The following ZBTB32 variants were observed in gnomAD, a reference collection of about 807,000 sequenced individuals.
ZBTB32 encodes zinc finger and BTB domain-containing protein 32.
A neutral mutation model predicts 45.3 loss-of-function variants in ZBTB32; 28 were observed. The ratio of observed to expected loss-of-function variants is 0.62; its 90% CI spans 0.46 to 0.85. The LOEUF is 0.85. ZBTB32 is among the 40% of genes least tolerant of loss of function. The pLI is 0.00. For missense variants in ZBTB32, 587 were observed against 624.4 expected (o/e 0.94, Z 0.64); for synonymous variants, 283 against 255.7 (o/e 1.11, Z -1.02).
intron 1 of ZBTB32, among the ~76,000 whole-genome samples, chr19:35,707,584 G>A (rs1005067504): frequency 6.6e-5 from 10 of 151,808 alleles, no homozygotes; most frequent in South Asian, 4.2e-4. Context: ...TGGCCAGGAC[G>A]GTCTCTATCT....
rs1257327161 is a variant in ZBTB32 at position 35,715,507 on chromosome 19, G to A, written c.881G>A (p.Arg294Lys). The part of the protein sequence containing the change: ...GAWQEVWREQ[R>K]IPLSLNAPKG... The stretch of plus-strand genomic sequence containing the variant: ...TGGCAGGAGGTCTGGCGGGAACAGA[G>A]GTGAGTGGCGGGGTCTAGTGCTCTG... The change falls in exon 3 of 7, where the codon AGG (arginine) becomes AAG (lysine). Residue 294 changes from arginine (R) to lysine (K), a missense_variant and splice_region_variant. Physicochemically the swap from Arg to Lys is conservative, Grantham distance 26. Coordinates refer to ENST00000392197, the MANE Select transcript of ZBTB32 (RefSeq NM_014383.3). The A allele has an allele frequency of 6.5e-7, 1 of 1,534,228 alleles. No individual in the cohort carries two copies. Among genetic ancestry groups the A allele is most frequent in the African/African-American group, 1.4e-5 (1 of 72,370 alleles).
Position 35,714,916 on chromosome 19 carries a change from C to T in ZBTB32, c.290C>T (p.Ala97Val). Residue 97 changes from alanine to valine, a missense_variant, in exon 3 of 7, where the codon GCC becomes GTC. By Grantham distance (64) the Ala-to-Val change is moderately conservative (BLOSUM62 0). Coordinates refer to ENST00000392197, the MANE Select transcript of ZBTB32 (RefSeq NM_014383.3). ...PGELRPLQEA[A>V]RALGVQSLEE... ...GAGCTAAGGCCCCTTCAGGAGGCGGCCAGGGCCTTGGGAGTGCAGTCCCTG... is the reference window on the plus strand; with the variant it reads ...GAGCTAAGGCCCCTTCAGGAGGCGGTCAGGGCCTTGGGAGTGCAGTCCCTG... 9 of 1,582,814 alleles carry T rather than the reference C, an allele frequency of 5.7e-6. No homozygotes were observed. Among genetic ancestry groups the T allele is most frequent in the Non-Finnish European group, 7.7e-6 (9 of 1,164,072 alleles).
rs950661122 is a variant in ZBTB32, at chr19:35,712,899, T to A, written c.-221-18T>A. 6.6e-6 allele frequency: 1 copy of A among 152,320 alleles called. No homozygotes were observed. The highest frequency in any genetic ancestry group is 2.4e-5 in the African/African-American group (1 of 41,550). The allele number at this position is 152,320 out of a possible 1,614,324, so 9.4% of individuals were successfully genotyped here. A position where few individuals can be genotyped will look rare whatever the true frequency, so the allele number is the denominator to read the frequency against. ...TATTCTTGGGATCCAAATGTTTCAA[T>A]CCTTTTTACTTCTGCAGCTGTGTGC... On this transcript the variant is annotated intron_variant, in intron 1 of 6. Transcript: ENST00000392197.
intron 1 of ZBTB32, among the ~76,000 whole-genome samples, chr19:35,711,244 T>C (rs1968685939): frequency 6.6e-6 from 1 of 152,128 alleles, no homozygotes. Context: ...CCCTGTACCT[T>C]TCCTCATCCC....
chr19:35,708,381 C>A (rs1055842403), intron 1 of ZBTB32, among the ~76,000 whole-genome samples: 1 of 152,150 alleles, frequency 6.6e-6, no homozygotes, highest in African/African-American at 2.4e-5. Flanking sequence ...CGGGTAGGCA[C>A]TTTCTAGATG....
chr19:35,712,052 A>G lies in ZBTB32; in HGVS notation c.-221-865A>G, dbSNP rs145653218. Among the ~76,000 whole-genome samples the G allele has an allele frequency of 4.0e-3, 560 of 141,448 alleles. 8 individuals carry two copies. Among genetic ancestry groups the G allele is most frequent in the African/African-American group, 6.5e-3 (236 of 36,080 alleles). The allele number at this position is 141,448 out of a possible 152,430, so 92.8% of individuals were successfully genotyped here. A position where few individuals can be genotyped will look rare whatever the true frequency, so the allele number is the denominator to read the frequency against. On this transcript the variant is annotated intron_variant, in intron 1 of 6. Transcript: ENST00000392197. The stretch of plus-strand genomic sequence containing the variant: ...AAAAAAAAAAAAAAAAAAAAAAAAA[A>G]GAGAAGCCTATGGGGAAGCCGACTG...
Position 35,715,016 on chromosome 19 carries a change from G to A in ZBTB32, c.390G>A (p.Glu130=). 1.2e-6 allele frequency: 2 copies of A among 1,611,938 alleles called. No homozygotes were observed. The highest frequency in any genetic ancestry group is 2.7e-5 in the African/African-American group (2 of 74,774). The change falls in exon 3 of 7, where the codon GAG becomes GAA. Residue 130 remains glutamate, a synonymous_variant. Coordinates refer to ENST00000392197, the MANE Select transcript of ZBTB32 (RefSeq NM_014383.3). ...CAGGCCTGAAGAAACATCAGGAGGAGCCAGAGAAACCCTCAAGGAATCCTG... is the reference window on the plus strand; with the variant it reads ...CAGGCCTGAAGAAACATCAGGAGGAACCAGAGAAACCCTCAAGGAATCCTG... The part of the protein sequence containing the change: ...PDPGLKKHQE[E]PEKPSRNPER...
intron 1 of ZBTB32, among the ~76,000 whole-genome samples, chr19:35,708,942 T>G (rs376997721): frequency 6.6e-6 from 1 of 151,646 alleles, no homozygotes; most frequent in African/African-American, 2.4e-5. Flanking sequence ...CCTCAGCCTC[T>G]CGAGTAGCTG....
intron 1 of ZBTB32, among the ~76,000 whole-genome samples, chr19:35,712,671 G>A (rs1208064152): frequency 6.6e-6 from 1 of 152,170 alleles, no homozygotes; most frequent in East Asian, 1.9e-4. Flanking sequence ...TCAGAGAAAT[G>A]TCATTTGTCA....
In ZBTB32 at chr19:35,707,647, C is replaced by T. The variant is rs558811993; in HGVS notation, c.-222+3024C>T. ...CCTCCCAAAGTGCTGGGATTACAGG[C>T]GTGAGCCACCGCACCCGGCCTGTGT... On this transcript the variant is annotated intron_variant, in intron 1 of 6. Coordinates refer to ENST00000392197, the MANE Select transcript of ZBTB32 (RefSeq NM_014383.3). Among the ~76,000 whole-genome samples, 7 of 152,148 alleles carry T rather than the reference C, an allele frequency of 4.6e-5. No homozygotes were observed. In the East Asian group the frequency reaches 5.9e-4, roughly 13 times the overall value.
intron 1 of ZBTB32, among the ~76,000 whole-genome samples, chr19:35,707,968 G>C (rs1252536307): frequency 6.6e-6 from 1 of 151,964 alleles, no homozygotes; most frequent in South Asian, 2.1e-4. Context: ...GGTGACAGAA[G>C]GAGACTCTGT....
At chr19:35,711,636 G>C (rs1968695240) in intron 1 of ZBTB32, among the ~76,000 whole-genome samples, 1 of 152,110 alleles carries the variant, frequency 6.6e-6, no homozygotes, top group South Asian at 2.1e-4. Flanking sequence ...GAGAGTGGGA[G>C]GCTGGTCTGA....
At position 35,714,750 on chromosome 19, in the gene ZBTB32, G is replaced by A. The variant is rs369211573; in HGVS notation, c.124G>A (p.Ala42Thr). The A allele has an allele frequency of 3.0e-5, 49 of 1,614,012 alleles. No homozygotes were observed. The highest frequency in any genetic ancestry group is 1.9e-4 in the South Asian group (17 of 91,096). Residue 42 changes from alanine (A) to threonine (T), a missense_variant, in exon 3 of 7, where the codon GCC becomes ACC. Physicochemically the swap from Ala to Thr is moderately conservative, Grantham distance 58. Transcript: ENST00000392197. ...LITVGSQEFP[A>T]HSLVLAGVSQ... Reference sequence around the variant, plus strand: ...CACCGTAGGGAGCCAGGAGTTCCCCGCCCACAGCCTGGTGCTAGCAGGTGT... The same window carrying A: ...CACCGTAGGGAGCCAGGAGTTCCCCACCCACAGCCTGGTGCTAGCAGGTGT...
rs376997721 is a variant in ZBTB32 at position 35,708,942 on chromosome 19, T to C, written c.-221-3975T>C. Among the ~76,000 whole-genome samples, 14 of 151,760 alleles carry C rather than the reference T, an allele frequency of 9.2e-5. No homozygotes were observed. The East Asian group carries it at 1.2e-3, about 13-fold the overall frequency. ...GAAGCGATTCTCCTGCCTCAGCCTC[T>C]CGAGTAGCTGGAATTACAGGCATGT... On this transcript the variant is annotated intron_variant, in intron 1 of 6. Coordinates refer to ENST00000392197, the MANE Select transcript of ZBTB32 (RefSeq NM_014383.3).
chr19:35,716,205 C>A lies in ZBTB32; in HGVS notation c.1097C>A (p.Pro366His), dbSNP rs549110178. ...CPPRPHPPPA[P>H]PARSRPYACS... is the part of the protein sequence containing the mutation. ...CCTCGCCCGCACCCTCCCCCGGCCC[C>A]TCCTGCTCGGTCTCGGCCCTATGCG... The change falls in exon 6 of 7, where the codon CCT becomes CAT. Residue 366 changes from proline to histidine, a missense_variant. Transcript: ENST00000392197. 8.4e-5 allele frequency: 136 copies of A among 1,613,964 alleles called. 2 individuals carry two copies. In the South Asian group the frequency reaches 1.4e-3, roughly 17 times the overall value.
At chr19:35,708,587 A>G (rs1968606787) in intron 1 of ZBTB32, among the ~76,000 whole-genome samples, 1 of 152,256 alleles carries the variant, frequency 6.6e-6, no homozygotes, top group East Asian at 1.9e-4. Flanking sequence ...ATGCAGTGAA[A>G]CCTGTTTTCC....
rs1435337359 is a variant in ZBTB32 at position 35,716,908 on chromosome 19, C to T, written c.*156C>T. 3.5e-6 allele frequency: 3 copies of T among 858,154 alleles called. No homozygotes were observed. Among genetic ancestry groups the T allele is most frequent in the Non-Finnish European group, 3.5e-6 (2 of 569,192 alleles). 53.2% of individuals were successfully genotyped at this position (858,154 alleles called of 1,614,324 possible). Reference sequence around the variant, plus strand: ...CCGAGTGCCCTCTCCTGGACGATCGCGGGTCGCAGAAGCCCAGGCCAGCGA... The same window carrying T: ...CCGAGTGCCCTCTCCTGGACGATCGTGGGTCGCAGAAGCCCAGGCCAGCGA... On this transcript the variant is annotated 3_prime_UTR_variant, in exon 7 of 7. Transcript: ENST00000392197.
chr19:35,715,352 C>T lies in ZBTB32; in HGVS notation c.726C>T (p.Ser242=), dbSNP rs1012982941. 10 of 1,610,500 alleles carry T rather than the reference C, an allele frequency of 6.2e-6. No homozygotes were observed. The highest frequency in any genetic ancestry group is 1.7e-5 in the Admixed American group (1 of 59,352). ...CCCCAGCAGGCTCCCTGCAAACCAG[C>T]GTCACCCCTAGGCCCTCGTGGGCTG... is the stretch of plus-strand genomic sequence containing the variant. ...PLPPAGSLQT[S]VTPRPSWAEA... Residue 242 remains serine, a synonymous_variant, in exon 3 of 7, where the codon AGC becomes AGT. Coordinates refer to ENST00000392197, the MANE Select transcript of ZBTB32 (RefSeq NM_014383.3).
Position 35,714,969 on chromosome 19 carries a change from G to T in ZBTB32, c.343G>T (p.Asp115Tyr). The stretch of plus-strand genomic sequence containing the variant: ...AGAGGCATGCTGGAGGGCTCGAGGG[G>T]ACAGGGCTAAAAAGCCAGATCCAGG... ...LEEACWRARG[D>Y]RAKKPDPGLK... The change falls in exon 3 of 7, where the codon GAC becomes TAC. Residue 115 changes from aspartate to tyrosine, a missense_variant. Asp to Tyr is a radical substitution (Grantham distance 160). Transcript: ENST00000392197. 1 of 1,597,906 alleles carries T rather than the reference G, an allele frequency of 6.3e-7. No individual in the cohort carries two copies. The highest frequency in any genetic ancestry group is 8.5e-7 in the Non-Finnish European group (1 of 1,172,346).
Sources: gnomAD v4.1 joint callset for allele counts (sites outside exome capture counted in the v4.1 genomes callset) on GRCh38, gnomAD v4.1.1 for gene constraint, MANE v1.5 for transcripts, NCBI Gene and HGNC (gene_info 2026-07-23, HGNC 2026-07-21) for gene names.